Variants in TTC39A observed in about 807,000 individuals in gnomAD.
The protein encoded by TTC39A is tetratricopeptide repeat domain 39A, also known as tetratricopeptide repeat protein 39A.
A neutral mutation model predicts 82.3 loss-of-function variants in TTC39A; 46 were observed. The observed-to-expected ratio is 0.56, with a 90% CI of 0.44 to 0.71. TTC39A has a LOEUF of 0.71. Ranked by LOEUF, TTC39A falls within the 30% of genes least tolerant of loss-of-function variation. TTC39A has a pLI of 0.00. For synonymous variants in TTC39A, 254 were observed against 275.2 expected (o/e 0.92, Z 0.76); for missense variants, 543 against 712.9 (o/e 0.76, Z 2.71).
Position 51,294,641 on chromosome 1 carries a change from A to C in TTC39A, c.1146-130T>G, listed in dbSNP as rs2148127036. 5.1e-6 allele frequency: 7 copies of C among 1,366,984 alleles called. No individual in the cohort carries two copies. Among genetic ancestry groups the C allele is most frequent in the Non-Finnish European group, 6.9e-6 (7 of 1,008,880 alleles). The allele number at this position is 1,366,984 out of a possible 1,614,324, so 84.7% of individuals were successfully genotyped here. Reference sequence around the variant, plus strand: ...TCCCCATCTGCACAATGACAGTGTTAGACTCTAAAGAGCCTTCTAGGTCTG... The same window carrying C: ...TCCCCATCTGCACAATGACAGTGTTCGACTCTAAAGAGCCTTCTAGGTCTG... On this transcript the variant is annotated intron_variant, in intron 13 of 17. Transcript: ENST00000680483. This position sits in a 1 kb window ranked among gnomAD's most constrained non-coding sequence, Gnocchi z 4.3.
intron 1 of TTC39A, among the ~76,000 whole-genome samples, chr1:51,340,787 C>A (rs949205381): frequency 6.6e-6 from 1 of 152,192 alleles, no homozygotes. Flanking sequence ...CCTAACATTA[C>A]CCCCATTTTA....
At position 51,302,957 on chromosome 1, in the gene TTC39A, G is replaced by A. The variant is rs1557711496; in HGVS notation, c.763+127C>T. 9 of 814,184 alleles carry A rather than the reference G, an allele frequency of 1.1e-5. No individual in the cohort carries two copies. In the Admixed American group the frequency reaches 2.3e-4, roughly 21 times the overall value. The allele number at this position is 814,184 out of a possible 1,614,324, so 50.4% of individuals were successfully genotyped here. On this transcript the variant is annotated intron_variant, in intron 9 of 17. Transcript: ENST00000680483. ...GCCAGTCCCCAGGACAGTGGATGTG[G>A]CTCTGTTTCTGGTTTCAGTACCCCT...
At chr1:51,309,455 G>A (rs1191366215) in intron 5 of TTC39A, 130 bp from the exon 6 acceptor site, 1 of 1,519,004 alleles carries the variant, frequency 6.6e-7, no homozygotes, top group Non-Finnish European at 8.8e-7. Flanking sequence ...TCGGAGGTCA[G>A]CCAAACCAGG....
chr1:51,344,732 C>A (rs959882183), intron 1 of TTC39A, among the ~76,000 whole-genome samples: 1 of 152,234 alleles, frequency 6.6e-6, no homozygotes, highest in Non-Finnish European at 1.5e-5. Context: ...GCAGATAGCC[C>A]GCGTCTTGCG....
intron 1 of TTC39A, among the ~76,000 whole-genome samples, chr1:51,324,022 T>G (rs72906173): frequency 0.12 from 17,540 of 152,218 alleles, 1,117 homozygotes; most frequent in African/African-American, 0.15. Flanking sequence ...ATTTACTCTG[T>G]CCAGGTTCCC....
At chr1:51,317,065 A>G (rs1386721032) in intron 2 of TTC39A, among the ~76,000 whole-genome samples, 1 of 152,222 alleles carries the variant, frequency 6.6e-6, no homozygotes, top group African/African-American at 2.4e-5. Flanking sequence ...AAGCAGAGAC[A>G]ATGCTACTCA....
chr1:51,344,844 G>C lies in TTC39A; in HGVS notation c.53+147C>G, dbSNP rs560353812. On this transcript the variant is annotated intron_variant, in intron 1 of 5. Transcript: ENST00000401051. ...GGGGGCGCGCGGCGCTGCCCCTCTC[G>C]GGCCTCCGGCCGACCCCCACGCCCA... 40 of 1,019,486 alleles carry C rather than the reference G, an allele frequency of 3.9e-5. No individual in the cohort carries two copies. The African/African-American group carries it at 6.3e-4, about 16-fold the overall frequency. 63.2% of individuals were successfully genotyped at this position (1,019,486 alleles called of 1,614,324 possible). A position where few individuals can be genotyped will look rare whatever the true frequency, so the allele number is the denominator to read the frequency against.
At chr1:51,315,927 G>T (rs1645265792) in intron 2 of TTC39A, among the ~76,000 whole-genome samples, 1 of 152,174 alleles carries the variant, frequency 6.6e-6, no homozygotes, top group Admixed American at 6.5e-5. Context: ...CCTAAAAAGG[G>T]CCCATGTTTG....
At chr1:51,331,862 T>C (rs1455454383), upstream of TTC39A, 2 of 970,332 alleles carry the variant, frequency 2.1e-6, no homozygotes, top group Non-Finnish European at 2.4e-6. Flanking sequence ...GTGACAGAAC[T>C]GAGCCTTGAA....
At chr1:51,295,110 T>C (rs1644366164) in intron 13 of TTC39A, among the ~76,000 whole-genome samples, 1 of 152,132 alleles carries the variant, frequency 6.6e-6, no homozygotes, top group East Asian at 1.9e-4. Flanking sequence ...CTGAGCCATT[T>C]AGGCTCAGGG....
chr1:51,307,532 G>A (rs986617988), intron 6 of TTC39A, among the ~76,000 whole-genome samples: 7 of 151,972 alleles, frequency 4.6e-5, no homozygotes, highest in African/African-American at 1.7e-4. Context: ...TCAGGAGTTC[G>A]AGACCAGCCT....
At chr1:51,290,440 T>A (rs149349338) in intron 15 of TTC39A, 74 bp downstream of exon 15, 47 of 1,356,736 alleles carry the variant, frequency 3.5e-5, no homozygotes, top group Non-Finnish European at 4.7e-5. Flanking sequence ...AGGAAGGACA[T>A]TTTTGGCAGA....
intron 8 of TTC39A, among the ~76,000 whole-genome samples, chr1:51,304,583 G>T (rs189050077): frequency 1.2e-4 from 18 of 152,252 alleles, no homozygotes; most frequent in Non-Finnish European, 2.5e-4. Context: ...TTCAACCTGG[G>T]GTTGGTACTC....
chr1:51,291,787 CAG>C (rs1331452913), intron 14 of TTC39A, among the ~76,000 whole-genome samples: 1 of 150,166 alleles, frequency 6.7e-6, no homozygotes, highest in East Asian at 1.9e-4. Context: ...GCCTGGGTGA[CAG>C]AGTGAGATTC....
At chr1:51,304,418 T>C (rs1644795190) in intron 8 of TTC39A, among the ~76,000 whole-genome samples, 1 of 152,196 alleles carries the variant, frequency 6.6e-6, no homozygotes, top group African/African-American at 2.4e-5. Context: ...GCCCTTATTT[T>C]ACTAAAAAGA....
chr1:51,324,438 A>T (rs1645638040), intron 1 of TTC39A, among the ~76,000 whole-genome samples: 1 of 152,182 alleles, frequency 6.6e-6, no homozygotes, highest in African/African-American at 2.4e-5. Flanking sequence ...CTTGTTTGCC[A>T]GCCTGACTTC....
Position 51,289,254 on chromosome 1 carries a change from C to T in TTC39A, c.1494-299G>A, listed in dbSNP as rs190517830. 1.6e-4 allele frequency among the ~76,000 whole-genome samples: 24 copies of T among 152,330 alleles called. 1 individual carries two copies. Among genetic ancestry groups the T allele is most frequent in the Admixed American group, 9.1e-4 (14 of 15,306 alleles). On this transcript the variant is annotated intron_variant, in intron 16 of 17. Transcript: ENST00000680483. ...TCTGATCTACCCTCTCTGACCCGAC[C>T]TCCATGCTGTCCTGGAGATATCCTT...
chr1:51,327,278 A>C (rs1645747504), intron 1 of TTC39A, among the ~76,000 whole-genome samples: 1 of 152,216 alleles, frequency 6.6e-6, no homozygotes, highest in Non-Finnish European at 1.5e-5. Flanking sequence ...GCTGGATTTT[A>C]ATCCCTGCTC....
Position 51,294,723 on chromosome 1 carries a change from T to C in TTC39A, c.1146-212A>G, listed in dbSNP as rs1227961451. Among the ~76,000 whole-genome samples the C allele has an allele frequency of 6.6e-6, 1 of 152,172 alleles. No individual in the cohort carries two copies. The highest frequency in any genetic ancestry group is 6.5e-5 in the Admixed American group (1 of 15,286). ...TGCCCCAAGACCTGGCCACTTCCTATGGCTGGGCAAGGGGTTCCTCCCCGC... is the reference window on the plus strand; with the variant it reads ...TGCCCCAAGACCTGGCCACTTCCTACGGCTGGGCAAGGGGTTCCTCCCCGC... On this transcript the variant is annotated intron_variant, in intron 13 of 17. Coordinates refer to ENST00000680483, the MANE Select transcript of TTC39A (RefSeq NM_001297663.2). The surrounding 1 kb of genome is among the most constrained non-coding windows in gnomAD (Gnocchi z 4.3).
Sources: allele counts gnomAD v4.1 joint callset (sites outside exome capture counted in the v4.1 genomes callset), GRCh38; gene constraint gnomAD v4.1.1; non-coding constraint Gnocchi (gnomAD v3.1); transcripts MANE v1.5; gene names NCBI Gene and HGNC (gene_info 2026-07-23, HGNC 2026-07-21).